BICDL2: variants seen among roughly 807,000 people sequenced by gnomAD.
BICDL2 encodes BICD family-like cargo adapter 2.
A neutral mutation model predicts 56.6 loss-of-function variants in BICDL2; 62 were observed. The ratio of observed to expected loss-of-function variants is 1.10; its 90% CI spans 0.89 to 1.35. The LOEUF (loss-of-function observed/expected upper bound fraction) is 1.35, where lower values mean the gene tolerates loss of function less well. Among genes scored for constraint, BICDL2 ranks in the 40% most tolerant of loss-of-function variants. BICDL2 has a pLI of 0.00. For synonymous variants in BICDL2, 358 were observed against 319.8 expected, an observed-to-expected ratio of 1.12 and a Z score of -1.27; for missense variants, 808 against 684.5, an observed-to-expected ratio of 1.18 and a Z score of -2.01.
At chr16:3,036,562 AGGCCGCTCCCG>A in intron 1 of BICDL2, 1 of 450,400 alleles carries the variant, frequency 2.2e-6, no homozygotes, top group Non-Finnish European at 4.5e-6. Flanking sequence ...AGCCGCCCCC[AGGCCGCTCCCG>A]GGGACCTCCC....
Position 3,030,429 on chromosome 16 carries a change from C to G in BICDL2, c.762+20G>C, listed in dbSNP as rs942541029. 6.3e-7 allele frequency: 1 copy of G among 1,596,692 alleles called. No homozygotes were observed. Among genetic ancestry groups the G allele is most frequent in the Non-Finnish European group, 8.5e-7 (1 of 1,177,558 alleles). ...TGCTAAGGGTCCAGGCAGTTGTAGT[C>G]CCCCAGCCCTGCAGGTCACCTCCAG... On this transcript the variant is annotated intron_variant, in intron 5 of 9. Coordinates refer to ENST00000572449, the MANE Select transcript of BICDL2 (RefSeq NM_001369667.1).
intron 2 of BICDL2, among the ~76,000 whole-genome samples, chr16:3,034,658 CTCCTTCCT>C (rs113820545): frequency 0.33 from 41,856 of 128,590 alleles, 7,223 homozygotes; most frequent in Middle Eastern, 0.39. Context: ...TTCTTTCTCT[CTCCTTCCT>C]TCCTTCCTTC....
chr16:3,027,720 T>C lies in BICDL2; in HGVS notation c.*386A>G. The C allele has an allele frequency of 6.5e-7, 1 of 1,539,130 alleles. No homozygotes were observed. Among genetic ancestry groups the C allele is most frequent in the Admixed American group, 2.2e-5 (1 of 45,752 alleles). Reference sequence around the variant, plus strand: ...GTGTTTTTCATTTTCTTTTTTTTTTTTTTTTTACAATAAAGTTTCAGGCTT... The same window carrying C: ...GTGTTTTTCATTTTCTTTTTTTTTTCTTTTTTACAATAAAGTTTCAGGCTT... On this transcript the variant is annotated 3_prime_UTR_variant, in exon 10 of 10. Coordinates refer to ENST00000572449, the MANE Select transcript of BICDL2 (RefSeq NM_001369667.1).
At chr16:3,034,658 CTCCT>C (rs113820545) in intron 2 of BICDL2, among the ~76,000 whole-genome samples, 3,780 of 128,828 alleles carry the variant, frequency 0.029, 142 homozygotes, top group East Asian at 0.17. Flanking sequence ...TTCTTTCTCT[CTCCT>C]TCCTTCCTTC....
intron 7 of BICDL2, 81 bp downstream of exon 7, chr16:3,029,199 C>G (rs1955609972): frequency 6.5e-7 from 1 of 1,529,206 alleles, no homozygotes; most frequent in Admixed American, 2.0e-5. Flanking sequence ...GCTTAGTGGG[C>G]AAAGGCTGGG....
In BICDL2 at chr16:3,035,438, G is replaced by A; in HGVS notation, c.59C>T (p.Pro20Leu). The A allele has an allele frequency of 6.2e-7, 1 of 1,612,338 alleles. No individual in the cohort carries two copies. The highest frequency in any genetic ancestry group is 8.5e-7 in the Non-Finnish European group (1 of 1,179,832). Residue 20 changes from proline to leucine, a missense_variant, in exon 2 of 10, where the codon CCC becomes CTC. Pro to Leu is a moderately conservative substitution (Grantham distance 98). Transcript: ENST00000572449. ...GGGGAAGAAGCCCTCGTCGCCGCTGGGAGAGGCGCCCCCTGAGAGCGGCCC... is the reference window on the plus strand; with the variant it reads ...GGGGAAGAAGCCCTCGTCGCCGCTGAGAGAGGCGCCCCCTGAGAGCGGCCC... ...PSGPLSGGAS[P>L]SGDEGFFPFV...
intron 2 of BICDL2, among the ~76,000 whole-genome samples, chr16:3,033,721 GT>G (rs1197701861): frequency 1.3e-5 from 2 of 151,980 alleles, no homozygotes; most frequent in African/African-American, 4.8e-5. Context: ...TGAAGTTGAG[GT>G]TCCAGTGAGC....
chr16:3,033,399 C>T (rs1028933891), intron 2 of BICDL2, among the ~76,000 whole-genome samples: 2 of 152,090 alleles, frequency 1.3e-5, no homozygotes, highest in African/African-American at 2.4e-5. Flanking sequence ...GATCTGTGAT[C>T]AGCTTGGAGG....
Position 3,030,824 on chromosome 16 carries a change from G to T in BICDL2, c.499-12C>A. 2 of 1,598,574 alleles carry T rather than the reference G, an allele frequency of 1.3e-6. No homozygotes were observed. The highest frequency in any genetic ancestry group is 2.2e-5 in the South Asian group (2 of 89,296). On this transcript the variant is annotated splice_polypyrimidine_tract_variant and intron_variant, in intron 3 of 9. Coordinates refer to ENST00000572449, the MANE Select transcript of BICDL2 (RefSeq NM_001369667.1). ...TCAGTCTGGGAGGCCTGGGGAGGTG[G>T]AAAGAGGGACAGAGGAGCCTCAGCA...
In BICDL2 at chr16:3,031,149, C is replaced by A; in HGVS notation, c.284G>T (p.Arg95Leu). 6.5e-7 allele frequency: 1 copy of A among 1,534,830 alleles called. No homozygotes were observed. The highest frequency in any genetic ancestry group is 8.7e-7 in the Non-Finnish European group (1 of 1,146,218). The change falls in exon 3 of 10, where the codon CGG (arginine) becomes CTG (leucine). Residue 95 changes from arginine to leucine, a missense_variant and splice_region_variant. Coordinates refer to ENST00000572449, the MANE Select transcript of BICDL2 (RefSeq NM_001369667.1). ...LSAQHLEREE[R>L]LQQENHELRR... ...GAGCTCATGGTTCTCCTGCTGGAGC[C>A]GCTGTGGGGGCCAGGGCAGAGGGAC...
chr16:3,031,777 G>C (rs561395649), intron 2 of BICDL2: 15 of 377,800 alleles, frequency 4.0e-5, no homozygotes, highest in African/African-American at 2.9e-4. Context: ...GCAGCGACTC[G>C]CAGGTACCCT....
Position 3,029,705 on chromosome 16 carries a change from A to G in BICDL2, c.797T>C (p.Leu266Pro). 1 of 1,541,156 alleles carries G rather than the reference A, an allele frequency of 6.5e-7. No homozygotes were observed. ...ERARSEAGEA[L>P]SALRRLQRRV... Reference sequence around the variant, plus strand: ...CCGCTGCAGCCTCCGCAGCGCACTCAGCGCCTCCCCAGCCTCTGACCGTGC... The same window carrying G: ...CCGCTGCAGCCTCCGCAGCGCACTCGGCGCCTCCCCAGCCTCTGACCGTGC... The change falls in exon 6 of 10, where the codon CTG becomes CCG. Residue 266 changes from leucine (L) to proline (P), a missense_variant. Physicochemically the swap from Leu to Pro is moderately conservative, Grantham distance 98. Coordinates refer to ENST00000572449, the MANE Select transcript of BICDL2 (RefSeq NM_001369667.1).
chr16:3,035,043 C>A, intron 2 of BICDL2, 172 bp downstream of exon 2: 1 of 651,744 alleles, frequency 1.5e-6, no homozygotes, highest in South Asian at 2.0e-5. Context: ...CTGGGCAACA[C>A]TGCCAGGGGG....
At position 3,029,865 on chromosome 16, in the gene BICDL2, C is replaced by G. The variant is rs573099953; in HGVS notation, c.763-126G>C. 35 of 803,216 alleles carry G rather than the reference C, an allele frequency of 4.4e-5. 1 individual carries two copies. The highest frequency in any genetic ancestry group is 1.3e-4 in the South Asian group (7 of 52,734). 49.8% of individuals were successfully genotyped at this position (803,216 alleles called of 1,614,324 possible). ...GCACCCCAGCGGCCCAGGCTGTTCC[C>G]GTTCCTGGATCGCTGGGCGCCTTGG... On this transcript the variant is annotated intron_variant, in intron 5 of 9. Coordinates refer to ENST00000572449, the MANE Select transcript of BICDL2 (RefSeq NM_001369667.1).
At chr16:3,029,123 G>T (rs367690206) in intron 7 of BICDL2, among the ~76,000 whole-genome samples, 157 bp downstream of exon 7, 1 of 152,188 alleles carries the variant, frequency 6.6e-6, no homozygotes, top group Non-Finnish European at 1.5e-5. Flanking sequence ...CTTCCTGGAG[G>T]AGGTGGCATA....
chr16:3,032,697 C>T (rs746674777), intron 2 of BICDL2: 2 of 152,176 alleles, frequency 1.3e-5, no homozygotes, highest in Non-Finnish European at 2.9e-5. Flanking sequence ...AGAAAGAAGG[C>T]TAGGCATTAA....
At chr16:3,034,614 C>CT (rs999352629) in intron 2 of BICDL2, among the ~76,000 whole-genome samples, 5 of 151,374 alleles carry the variant, frequency 3.3e-5, no homozygotes, top group African/African-American at 1.2e-4. Flanking sequence ...GAGTTCATGC[C>CT]TTTTTTCCTT....
chr16:3,028,288 G>T lies in BICDL2; in HGVS notation c.1360-15C>A. ...TGCATGTCGTCCTGCGGGAGGCCGT[G>T]GTCGGCTCAGCGCCGGTCCCGCCCC... On this transcript the variant is annotated splice_polypyrimidine_tract_variant and intron_variant, in intron 9 of 9. Coordinates refer to ENST00000572449, the MANE Select transcript of BICDL2 (RefSeq NM_001369667.1). The T allele has an allele frequency of 6.7e-7, 1 of 1,496,474 alleles. No homozygotes were observed. Among genetic ancestry groups the T allele is most frequent in the Non-Finnish European group, 8.8e-7 (1 of 1,136,444 alleles). The allele number at this position is 1,496,474 out of a possible 1,614,324, so 92.7% of individuals were successfully genotyped here.
intron 1 of BICDL2, chr16:3,036,129 C>G (rs1387021504): frequency 2.5e-6 from 1 of 395,722 alleles, no homozygotes; most frequent in East Asian, 7.4e-5. Flanking sequence ...CTCCAATGTC[C>G]CCCACCAAGG....
Sources: allele counts gnomAD v4.1 joint callset (sites outside exome capture counted in the v4.1 genomes callset), GRCh38; gene constraint gnomAD v4.1.1; transcripts MANE v1.5; gene names NCBI Gene and HGNC (gene_info 2026-07-23, HGNC 2026-07-21).